The following HYCC1 variants were observed in gnomAD, a reference collection of about 807,000 sequenced individuals.
HYCC1 encodes hyccin PI4KA lipid kinase complex subunit 1.
chr7:23,009,462 A>G, the HYCC1 span, among the ~76,000 whole-genome samples: 1 of 152,322 alleles, frequency 6.6e-6, no homozygotes, highest in South Asian at 2.1e-4. Flanking sequence ...ACTCTAGAAG[A>G]CAATCAGACA....
chr7:22,972,116 A>G, the HYCC1 span, among the ~76,000 whole-genome samples: 1 of 152,216 alleles, frequency 6.6e-6, no homozygotes. Context: ...GTGCATCCAT[A>G]GTGAATGTGT....
At chr7:22,907,725 C>A in the HYCC1 span, among the ~76,000 whole-genome samples, 2 of 152,062 alleles carry the variant, frequency 1.3e-5, no homozygotes, top group South Asian at 4.1e-4. Context: ...GCCTGGCCAA[C>A]ATGGTGAAAC....
the HYCC1 span, among the ~76,000 whole-genome samples, chr7:22,916,047 C>T: frequency 6.6e-6 from 1 of 152,240 alleles, no homozygotes; most frequent in South Asian, 2.1e-4. Context: ...TCATGCACCC[C>T]TTACCATCCC....
chr7:22,986,894 A>T, the HYCC1 span, among the ~76,000 whole-genome samples: 1 of 152,200 alleles, frequency 6.6e-6, no homozygotes, highest in Non-Finnish European at 1.5e-5. Context: ...GATGCCTCAT[A>T]CTAAAGTATC....
the HYCC1 span, among the ~76,000 whole-genome samples, chr7:22,972,078 G>A: frequency 1.3e-5 from 2 of 152,050 alleles, no homozygotes; most frequent in Non-Finnish European, 2.9e-5. Flanking sequence ...GCAAACAGGT[G>A]AGAAAAAAAA....
At chr7:23,013,558 G>A in the HYCC1 span, among the ~76,000 whole-genome samples, 1 of 152,182 alleles carries the variant, frequency 6.6e-6, no homozygotes, top group Non-Finnish European at 1.5e-5. Flanking sequence ...GCGGCCGGTG[G>A]GGCCGAGGCG....
At chr7:22,939,216 T>C in the HYCC1 span, 1 of 152,206 alleles carries the variant, frequency 6.6e-6, no homozygotes, top group African/African-American at 2.4e-5. Context: ...CCTTGCATGC[T>C]TATGTTTATA....
the HYCC1 span, among the ~76,000 whole-genome samples, chr7:22,966,819 T>G: frequency 6.6e-6 from 1 of 152,156 alleles, no homozygotes. Flanking sequence ...CATTTGATAT[T>G]AGAGGATCCC....
the HYCC1 span, among the ~76,000 whole-genome samples, chr7:22,955,227 G>C: frequency 2.0e-5 from 3 of 151,580 alleles, no homozygotes; most frequent in Non-Finnish European, 4.4e-5. Context: ...AAAACTTACA[G>C]TTTTGGGAAA....
the HYCC1 span, among the ~76,000 whole-genome samples, chr7:22,930,262 C>T: frequency 2.0e-5 from 3 of 149,018 alleles, no homozygotes; most frequent in African/African-American, 7.5e-5. Flanking sequence ...TTAATGGGTG[C>T]AGCACACCAA....
At chr7:22,975,807 C>T in the HYCC1 span, among the ~76,000 whole-genome samples, 1 of 152,158 alleles carries the variant, frequency 6.6e-6, no homozygotes, top group Non-Finnish European at 1.5e-5. Context: ...GCCTCAACCT[C>T]CCGGGCTCAA....
At chr7:22,930,438 C>T in the HYCC1 span, among the ~76,000 whole-genome samples, 1 of 133,774 alleles carries the variant, frequency 7.5e-6, no homozygotes, top group African/African-American at 2.8e-5. Context: ...AAAATCAGAA[C>T]AGATCTATAA....
At chr7:22,954,250 T>G in the HYCC1 span, among the ~76,000 whole-genome samples, 3 of 150,944 alleles carry the variant, frequency 2.0e-5, no homozygotes, top group Non-Finnish European at 3.0e-5. Flanking sequence ...ATTTATAATA[T>G]TTACTAAAAT....
the HYCC1 span, among the ~76,000 whole-genome samples, chr7:22,916,924 A>C: frequency 6.6e-6 from 1 of 152,094 alleles, no homozygotes; most frequent in Admixed American, 6.5e-5. Context: ...CTGCACCACC[A>C]TGCTGTTATA....
chr7:22,928,170 T>C, the HYCC1 span, among the ~76,000 whole-genome samples: 227 of 152,298 alleles, frequency 1.5e-3, no homozygotes, highest in African/African-American at 5.3e-3. Flanking sequence ...AAATTAGGTA[T>C]TGATGGGATG....
At chr7:22,945,973 T>C in the HYCC1 span, 3 of 1,613,810 alleles carry the variant, frequency 1.9e-6, no homozygotes, top group South Asian at 1.1e-5. Context: ...CTGTAGTTTC[T>C]TTTTCTTTTC....
the HYCC1 span, among the ~76,000 whole-genome samples, chr7:22,978,739 A>G: frequency 1.6e-4 from 24 of 152,164 alleles, no homozygotes; most frequent in African/African-American, 5.3e-4. Context: ...GACAGGAATG[A>G]TTGGTACATA....
the HYCC1 span, among the ~76,000 whole-genome samples, chr7:22,925,249 A>C: frequency 6.6e-6 from 1 of 152,156 alleles, no homozygotes; most frequent in Non-Finnish European, 1.5e-5. Flanking sequence ...GAGCAGAAAA[A>C]CCGGAAACTC....
chr7:22,924,780 A>C, the HYCC1 span, among the ~76,000 whole-genome samples: 2 of 152,258 alleles, frequency 1.3e-5, no homozygotes, highest in Non-Finnish European at 2.9e-5. Context: ...AACAAAAGAC[A>C]GCAATAACCT....
Sources: gnomAD v4.1 joint callset for allele counts (sites outside exome capture counted in the v4.1 genomes callset) on GRCh38, gnomAD v4.1.1 for gene constraint, MANE v1.5 for transcripts, NCBI Gene and HGNC (gene_info 2026-07-23, HGNC 2026-07-21) for gene names.